SGCZ: variants seen among roughly 807,000 people sequenced by gnomAD.
SGCZ encodes sarcoglycan zeta, also known as zeta-sarcoglycan.
In SGCZ, 40 loss-of-function variants were observed where a neutral mutation model predicts 41.3. The observed-to-expected ratio is 0.97, with a 90% CI of 0.75 to 1.26. SGCZ has a LOEUF of 1.26. Ranked by LOEUF, SGCZ falls within the 50% of genes most tolerant of loss-of-function variation. The pLI, the probability that SGCZ is intolerant of heterozygous loss-of-function variation, is 0.00. For missense variants in SGCZ, 552 were observed against 369.8 expected (o/e 1.49, Z -4.04); for synonymous variants, 206 against 137.5 (o/e 1.50, Z -3.49).
rs185862935 is a variant in SGCZ at position 15,065,885 on chromosome 8, T to C, written c.39+171700A>G. 4.6e-5 allele frequency among the ~76,000 whole-genome samples: 7 copies of C among 152,336 alleles called. No individual in the cohort carries two copies. The East Asian group carries it at 1.4e-3, about 29-fold the overall frequency. On this transcript the variant is annotated intron_variant, in intron 1 of 7. Coordinates refer to ENST00000382080, the MANE Select transcript of SGCZ (RefSeq NM_139167.4). Reference sequence around the variant, plus strand: ...AGTGCAGTAATATATTTTTGAATGATTGAAATTTTGTTTCACATATTTCTG... The same window carrying C: ...AGTGCAGTAATATATTTTTGAATGACTGAAATTTTGTTTCACATATTTCTG...
chr8:14,960,306 T>C (rs541383881), intron 1 of SGCZ, among the ~76,000 whole-genome samples: 1 of 152,136 alleles, frequency 6.6e-6, no homozygotes, highest in Non-Finnish European at 1.5e-5. Flanking sequence ...GCTTGATTAT[T>C]TTATTGATAG....
intron 1 of SGCZ, among the ~76,000 whole-genome samples, chr8:14,878,899 G>T (rs1180627579): frequency 6.6e-6 from 1 of 151,926 alleles, no homozygotes. Context: ...ACTGTGGAAG[G>T]TTCTTACAGT....
chr8:14,973,764 C>T (rs1028001482), intron 1 of SGCZ, among the ~76,000 whole-genome samples: 2 of 152,124 alleles, frequency 1.3e-5, no homozygotes, highest in Non-Finnish European at 2.9e-5. Flanking sequence ...AAAGACGACA[C>T]GTTTTGGTAA....
At chr8:14,208,181 C>CA (rs1805680439) in intron 4 of SGCZ, among the ~76,000 whole-genome samples, 1 of 152,186 alleles carries the variant, frequency 6.6e-6, no homozygotes, top group South Asian at 2.1e-4. Context: ...GCCACTCAAC[C>CA]AATCAGCTCT....
chr8:14,829,277 A>C (rs531702144), intron 1 of SGCZ, among the ~76,000 whole-genome samples: 81 of 152,168 alleles, frequency 5.3e-4, no homozygotes, highest in Non-Finnish European at 8.7e-4. Context: ...ACCACTAGTA[A>C]GTTAATAATG....
chr8:15,132,745 T>G (rs1231952347), intron 1 of SGCZ, among the ~76,000 whole-genome samples: 1 of 152,162 alleles, frequency 6.6e-6, no homozygotes, highest in Non-Finnish European at 1.5e-5. Context: ...TTGGCATGTG[T>G]TTACACCATG....
chr8:14,838,096 G>T (rs1440763363), intron 1 of SGCZ, among the ~76,000 whole-genome samples: 3 of 152,118 alleles, frequency 2.0e-5, no homozygotes, highest in Non-Finnish European at 4.4e-5. Flanking sequence ...GGCACAGAAA[G>T]TTAAATCTCA....
chr8:14,419,533 A>G (rs1043877414), intron 2 of SGCZ, among the ~76,000 whole-genome samples: 1 of 151,964 alleles, frequency 6.6e-6, no homozygotes, highest in South Asian at 2.1e-4. Context: ...TCACCTTTCT[A>G]TAACTAGTCA....
intron 1 of SGCZ, among the ~76,000 whole-genome samples, chr8:14,903,581 G>A (rs897650495): frequency 6.6e-6 from 1 of 152,014 alleles, no homozygotes; most frequent in African/African-American, 2.4e-5. Context: ...ATGGGTATTA[G>A]CCTTTAGGTT....
At chr8:14,421,097 A>T (rs1199220810) in intron 2 of SGCZ, among the ~76,000 whole-genome samples, 3 of 152,124 alleles carry the variant, frequency 2.0e-5, no homozygotes, top group Non-Finnish European at 4.4e-5. Context: ...TTTCCCCATC[A>T]AGTGAAAATC....
chr8:14,860,855 G>C lies in SGCZ; in HGVS notation c.40-305929C>G, dbSNP rs146866600. 3.3e-5 allele frequency among the ~76,000 whole-genome samples: 5 copies of C among 152,190 alleles called. No individual in the cohort carries two copies. In the East Asian group the frequency reaches 9.7e-4, roughly 29 times the overall value. ...CCACGCTCAGAAGGGCCTTGAACTT[G>C]GTTTAACACTCCAATGTTTCCATTT... On this transcript the variant is annotated intron_variant, in intron 1 of 7. Coordinates refer to ENST00000382080, the MANE Select transcript of SGCZ (RefSeq NM_139167.4).
rs574998596 is a variant in SGCZ, at chr8:14,978,698, T to A, written c.39+258887A>T. On this transcript the variant is annotated intron_variant, in intron 1 of 7. Coordinates refer to ENST00000382080, the MANE Select transcript of SGCZ (RefSeq NM_139167.4). ...TGCATTCTATGCTATGAAATACCTT[T>A]CTTTAATAAAGTAAAGCTTGGTGGG... Among the ~76,000 whole-genome samples, 35 of 152,184 alleles carry A rather than the reference T, an allele frequency of 2.3e-4. No individual in the cohort carries two copies. The South Asian group carries it at 7.3e-3, about 32-fold the overall frequency.
chr8:15,122,361 A>T (rs112577795), intron 1 of SGCZ, among the ~76,000 whole-genome samples: 89 of 152,290 alleles, frequency 5.8e-4, no homozygotes, highest in African/African-American at 2.0e-3. Flanking sequence ...CAATTTTGAT[A>T]AGATTGCTTT....
At position 14,087,855 on chromosome 8, in the gene SGCZ, G is replaced by A. The variant is rs1475876901; in HGVS notation, c.*2588C>T. 6.6e-6 allele frequency among the ~76,000 whole-genome samples: 1 copy of A among 151,696 alleles called. No individual in the cohort carries two copies. The highest frequency in any genetic ancestry group is 1.5e-5 in the Non-Finnish European group (1 of 67,784). ...TTCAGAAATCTGAAACAGCTAGTCA[G>A]ATAACTTAAAGCAATTATTTGGTGT... On this transcript the variant is annotated 3_prime_UTR_variant, in exon 8 of 8. Coordinates refer to ENST00000382080, the MANE Select transcript of SGCZ (RefSeq NM_139167.4).
intron 5 of SGCZ, among the ~76,000 whole-genome samples, chr8:14,143,456 T>C (rs1803432367): frequency 6.6e-6 from 1 of 152,206 alleles, no homozygotes; most frequent in Non-Finnish European, 1.5e-5. Context: ...AACTCATAAA[T>C]GCAGTCAGTA....
At chr8:14,830,623 C>G (rs1370238737) in intron 1 of SGCZ, among the ~76,000 whole-genome samples, 2 of 152,130 alleles carry the variant, frequency 1.3e-5, no homozygotes, top group Non-Finnish European at 2.9e-5. Flanking sequence ...CTATGCATGC[C>G]TATTCCAGAG....
chr8:14,423,659 C>A (rs1434583197), intron 2 of SGCZ, among the ~76,000 whole-genome samples: 1 of 152,330 alleles, frequency 6.6e-6, no homozygotes, highest in African/African-American at 2.4e-5. Context: ...GGTGATCCGC[C>A]TGCCTTGGCC....
chr8:14,429,416 T>G (rs1799880424), intron 2 of SGCZ, among the ~76,000 whole-genome samples: 1 of 152,052 alleles, frequency 6.6e-6, no homozygotes, highest in Admixed American at 6.6e-5. Context: ...ACTTACAAGA[T>G]ATATTACTGA....
intron 1 of SGCZ, among the ~76,000 whole-genome samples, chr8:15,150,898 GC>G (rs1799160751): frequency 6.6e-6 from 1 of 151,900 alleles, no homozygotes; most frequent in Non-Finnish European, 1.5e-5. Context: ...AGTGATTTTT[GC>G]CCTCTCATTT....
Sources: gnomAD v4.1 joint callset for allele counts (sites outside exome capture counted in the v4.1 genomes callset) on GRCh38, gnomAD v4.1.1 for gene constraint, MANE v1.5 for transcripts, NCBI Gene and HGNC (gene_info 2026-07-23, HGNC 2026-07-21) for gene names.